DNAH1: variants seen among roughly 807,000 people sequenced by gnomAD.
DNAH1 encodes axonemal beta dynein heavy chain 1.
A neutral mutation model predicts 484.3 loss-of-function variants in DNAH1; 327 were observed. That is an observed-to-expected ratio of 0.68 (90% CI 0.62 to 0.74). DNAH1 has a LOEUF of 0.74. Among genes scored for constraint, DNAH1 ranks in the 30% least tolerant of loss-of-function variants. The pLI, the probability that DNAH1 is intolerant of heterozygous loss-of-function variation, is 0.00. For synonymous variants in DNAH1, 2,192 were observed against 2,191.9 expected, an observed-to-expected ratio of 1.00 and a Z score of 0.00; for missense variants, 5,052 against 5,546.8, an observed-to-expected ratio of 0.91 and a Z score of 2.83.
At chr3:52,393,179 C>T (rs1704472804) in intron 65 of DNAH1, among the ~76,000 whole-genome samples, 154 bp downstream of exon 65, 1 of 152,134 alleles carries the variant, frequency 6.6e-6, no homozygotes, top group South Asian at 2.1e-4. Context: ...GCACGCCTAC[C>T]CTCCTCCGAG....
In DNAH1 at chr3:52,355,198, G is replaced by T. The variant is rs1394063850; in HGVS notation, c.3693+143G>T. On this transcript the variant is annotated intron_variant, in intron 21 of 77. Coordinates refer to ENST00000420323, the MANE Select transcript of DNAH1 (RefSeq NM_015512.5). The surrounding 1 kb of genome is among the most constrained non-coding windows in gnomAD (Gnocchi z 4.5). ...CACACAGCCCCTGGCTCTCTGGCAG[G>T]CCCCGCCCTACTGCATTCAGAGGAG... 8.6e-6 allele frequency: 7 copies of T among 816,142 alleles called. No homozygotes were observed. The highest frequency in any genetic ancestry group is 1.2e-5 in the Non-Finnish European group (6 of 511,220). The allele number at this position is 816,142 out of a possible 1,614,324, so 50.6% of individuals were successfully genotyped here.
chr3:52,357,682 G>A lies in DNAH1; in HGVS notation c.3927G>A (p.Leu1309=), dbSNP rs765108587. 1.1e-5 allele frequency: 17 copies of A among 1,592,432 alleles called. No individual in the cohort carries two copies. The Middle Eastern group carries it at 1.2e-3, about 108-fold the overall frequency. ...GGGACTGCAACAAGATTCTGGACCT[G>A]GTGCAGAAGGGCCTCAGCGAGTATC... is the stretch of plus-strand genomic sequence containing the variant. ...SLRDCNKILD[L]VQKGLSEYLE... Residue 1309 remains leucine, a synonymous_variant, in exon 23 of 78, where the codon CTG becomes CTA. Coordinates refer to ENST00000420323, the MANE Select transcript of DNAH1 (RefSeq NM_015512.5).
intron 52 of DNAH1, among the ~76,000 whole-genome samples, chr3:52,384,332 G>A (rs1375056230): frequency 6.6e-6 from 1 of 152,206 alleles, no homozygotes; most frequent in African/African-American, 2.4e-5. Context: ...ATCACAGATG[G>A]GGGTGTAGAT....
chr3:52,361,375 C>A lies in DNAH1; in HGVS notation c.4874+23C>A. 1.3e-6 allele frequency: 2 copies of A among 1,545,610 alleles called. No homozygotes were observed. The highest frequency in any genetic ancestry group is 8.8e-7 in the Non-Finnish European group (1 of 1,142,822). On this transcript the variant is annotated intron_variant, in intron 29 of 77. Coordinates refer to ENST00000420323, the MANE Select transcript of DNAH1 (RefSeq NM_015512.5). This position sits in a 1 kb window ranked among gnomAD's most constrained non-coding sequence, Gnocchi z 5.6. ...CAGGTGAGGCTGGGCATGAGCGTGGCACAGGATGGGGTGGGACAGCCTAGC... is the reference window on the plus strand; with the variant it reads ...CAGGTGAGGCTGGGCATGAGCGTGGAACAGGATGGGGTGGGACAGCCTAGC...
At chr3:52,342,270 GCC>G (rs1344908620) in intron 8 of DNAH1, among the ~76,000 whole-genome samples, 4 of 152,286 alleles carry the variant, frequency 2.6e-5, no homozygotes, top group Non-Finnish European at 5.9e-5. Flanking sequence ...CAGAGACGCG[GCC>G]ACAGGCCGAC....
At position 52,394,940 on chromosome 3, in the gene DNAH1, C is replaced by T; in HGVS notation, c.10849C>T (p.Gln3617Ter). ...GGAGCCTTTGCCTGGCATCTGGGAC[C>T]AGTACCTAGACCAGTTCCAGAAGCT... ...HREPLPGIWDQYLDQFQKLLV... is the reference protein window; with the variant it reads ...HREPLPGIWD The change falls in exon 68 of 78, where the codon CAG becomes TAG. Residue 3617 changes from glutamine to a stop codon, truncating the protein, a stop_gained. Transcript: ENST00000420323. LOFTEE classifies it high-confidence loss of function. The T allele has an allele frequency of 6.2e-7, 1 of 1,613,594 alleles. No homozygotes were observed. Among genetic ancestry groups the T allele is most frequent in the Non-Finnish European group, 8.5e-7 (1 of 1,179,758 alleles).
rs1702836201 is a variant in DNAH1 at position 52,361,067 on chromosome 3, G to A, written c.4686-97G>A. ...GGGCACACCCCAGCCCACCAAAAGG[G>A]GACGGGGCGAGAGGCCCCAGTCCAC... On this transcript the variant is annotated intron_variant, in intron 28 of 77. Coordinates refer to ENST00000420323, the MANE Select transcript of DNAH1 (RefSeq NM_015512.5). This position sits in a 1 kb window ranked among gnomAD's most constrained non-coding sequence, Gnocchi z 5.6. 8.1e-7 allele frequency: 1 copy of A among 1,229,968 alleles called. No homozygotes were observed. The highest frequency in any genetic ancestry group is 1.6e-5 in the African/African-American group (1 of 63,884). The allele number at this position is 1,229,968 out of a possible 1,614,324, so 76.2% of individuals were successfully genotyped here.
At position 52,323,841 on chromosome 3, in the gene DNAH1, C is replaced by T; in HGVS notation, c.367C>T (p.Leu123Phe). ...TCGTGGCCCCCGAATGAGCCAGAAC[C>T]TCCTGCGGCAGGCTGACCTTGACAA... ...VCRGPRMSQN[L>F]LRQADLDKFT... The change falls in exon 3 of 78, where the codon CTC becomes TTC. Residue 123 changes from leucine (L) to phenylalanine (F), a missense_variant. This residue lies in a region of DNAH1 where 1,263 missense variants were observed against 1,218.8 expected (regional missense o/e 1.04). Transcript: ENST00000420323. 6.3e-7 allele frequency: 1 copy of T among 1,587,882 alleles called. No individual in the cohort carries two copies. Among genetic ancestry groups the T allele is most frequent in the Non-Finnish European group, 8.6e-7 (1 of 1,167,060 alleles).
chr3:52,378,200 G>T (rs73837054), intron 46 of DNAH1, among the ~76,000 whole-genome samples: 6 of 152,026 alleles, frequency 3.9e-5, no homozygotes, highest in African/African-American at 1.4e-4. Flanking sequence ...GCCTCCCCAC[G>T]CCCACTCCGG....
At chr3:52,316,088 C>G (rs1700940231), upstream of DNAH1, among the ~76,000 whole-genome samples, 1 of 152,184 alleles carries the variant, frequency 6.6e-6, no homozygotes, top group Non-Finnish European at 1.5e-5. Context: ...ACCCTTTCAG[C>G]TGTGGCCTGT....
Position 52,352,105 on chromosome 3 carries a change from T to A in DNAH1, c.2871+2T>A. 6.4e-7 allele frequency: 1 copy of A among 1,573,266 alleles called. No homozygotes were observed. Among genetic ancestry groups the A allele is most frequent in the Non-Finnish European group, 8.6e-7 (1 of 1,160,098 alleles). ...CAAGAGAAGCTGGAAGGGCTGCAGGTGGGGCACAGCTGCAGGCTTGGTGCT... is the reference window on the plus strand; with the variant it reads ...CAAGAGAAGCTGGAAGGGCTGCAGGAGGGGCACAGCTGCAGGCTTGGTGCT... On this transcript the variant is annotated splice_donor_variant, in intron 17 of 77. Transcript: ENST00000420323. LOFTEE classifies it high-confidence loss of function.
intron 8 of DNAH1, among the ~76,000 whole-genome samples, chr3:52,339,397 T>G (rs1701847413): frequency 6.6e-6 from 1 of 152,166 alleles, no homozygotes; most frequent in Non-Finnish European, 1.5e-5. Context: ...TATTTTCCAT[T>G]TTTTCCTTGA....
rs952208717 is a variant in DNAH1, at chr3:52,332,181, G to A, written c.1073G>A (p.Arg358Gln). Residue 358 changes from arginine (R) to glutamine (Q), a missense_variant, in exon 8 of 78, where the codon CGG becomes CAG. Physicochemically the swap from Arg to Gln is conservative, Grantham distance 43. Transcript: ENST00000420323. ...PLQVCQYWVP[R>Q]IQLLFCAEDP... ...CAGGTCTGTCAGTACTGGGTGCCAC[G>A]GATCCAGCTTCTCTTCTGCGCTGAG... The A allele has an allele frequency of 4.4e-6, 7 of 1,587,992 alleles. No homozygotes were observed. The highest frequency in any genetic ancestry group is 1.1e-5 in the South Asian group (1 of 87,802).
chr3:52,383,071 C>T (rs747635105), intron 50 of DNAH1, among the ~76,000 whole-genome samples: 2 of 152,230 alleles, frequency 1.3e-5, no homozygotes, highest in Non-Finnish European at 2.9e-5. Context: ...AAGGACCTAT[C>T]TCTGCCCGTG....
Position 52,360,272 on chromosome 3 carries a change from T to C in DNAH1, c.4572-39T>C, listed in dbSNP as rs775216846. The C allele has an allele frequency of 6.9e-6, 11 of 1,584,224 alleles. No individual in the cohort carries two copies. In the East Asian group the frequency reaches 1.6e-4, roughly 23 times the overall value. On this transcript the variant is annotated intron_variant, in intron 27 of 77. Coordinates refer to ENST00000420323, the MANE Select transcript of DNAH1 (RefSeq NM_015512.5). ...ACTATATACCCTGCCCAGTGGCCCATTGCCCCATGGCCAGGCCCTCATCTC... is the reference window on the plus strand; with the variant it reads ...ACTATATACCCTGCCCAGTGGCCCACTGCCCCATGGCCAGGCCCTCATCTC...
At chr3:52,382,590 C>T in intron 50 of DNAH1, 135 bp downstream of exon 50, 1 of 1,390,984 alleles carries the variant, frequency 7.2e-7, no homozygotes, top group Non-Finnish European at 9.7e-7. Context: ...ACCACCAGGA[C>T]CAGGTGGGGC....
chr3:52,397,604 A>G, intron 73 of DNAH1, 103 bp from the exon 74 acceptor site: 1 of 1,093,896 alleles, frequency 9.1e-7, no homozygotes, highest in Non-Finnish European at 1.3e-6. Context: ...CAGGAGTGAC[A>G]AGTGGGGAAT....
Position 52,345,633 on chromosome 3 carries a change from T to C in DNAH1, c.1583T>C (p.Leu528Pro). ...AECNKVTAMS[L>P]FHSSLSKYSH... ...TGCAACAAGGTGACCGCCATGTCCCTGTTCCACTCGAGCCTCTCCAAGTAC... is the reference window on the plus strand; with the variant it reads ...TGCAACAAGGTGACCGCCATGTCCCCGTTCCACTCGAGCCTCTCCAAGTAC... The change falls in exon 10 of 78, where the codon CTG becomes CCG. Residue 528 changes from leucine (L) to proline (P), a missense_variant. Physicochemically the swap from Leu to Pro is moderately conservative, Grantham distance 98. Around this residue, in one of 4 missense-constraint regions of DNAH1, gnomAD observed 1,263 missense variants for 1,218.8 expected, o/e 1.04. Coordinates refer to ENST00000420323, the MANE Select transcript of DNAH1 (RefSeq NM_015512.5). 6.2e-6 allele frequency: 10 copies of C among 1,611,230 alleles called. No individual in the cohort carries two copies. Among genetic ancestry groups the C allele is most frequent in the Non-Finnish European group, 8.5e-6 (10 of 1,178,758 alleles).
At position 52,381,872 on chromosome 3, in the gene DNAH1, C is replaced by A. The variant is rs1224781267; in HGVS notation, c.7805+36C>A. On this transcript the variant is annotated intron_variant, in intron 49 of 77. Coordinates refer to ENST00000420323, the MANE Select transcript of DNAH1 (RefSeq NM_015512.5). This position sits in a 1 kb window ranked among gnomAD's most constrained non-coding sequence, Gnocchi z 4.1. ...CCAGGGCGTGCTGGGCAGTGGGCGG[C>A]CAGGGCTGGCTGGTCGGTTTGACTG... is the stretch of plus-strand genomic sequence containing the variant. 5.2e-6 allele frequency: 8 copies of A among 1,541,960 alleles called. No homozygotes were observed. Among genetic ancestry groups the A allele is most frequent in the Non-Finnish European group, 6.1e-6 (7 of 1,141,666 alleles).
Sources: allele counts gnomAD v4.1 joint callset (sites outside exome capture counted in the v4.1 genomes callset), GRCh38; gene constraint gnomAD v4.1.1; regional missense constraint gnomAD v4.1.1; non-coding constraint Gnocchi (gnomAD v3.1); transcripts MANE v1.5; gene names NCBI Gene and HGNC (gene_info 2026-07-23, HGNC 2026-07-21).